NCKAP5: variants seen among roughly 807,000 people sequenced by gnomAD.
NCKAP5 encodes nck-associated protein 5.
NCKAP5 carries 92 observed loss-of-function variants against 167.0 expected under a neutral mutation model. The ratio of observed to expected loss-of-function variants is 0.55; its 90% CI spans 0.47 to 0.66. NCKAP5 has a LOEUF of 0.66. Ranked by LOEUF, NCKAP5 falls within the 30% of genes least tolerant of loss-of-function variation. The pLI, the probability that NCKAP5 is intolerant of heterozygous loss-of-function variation, is 0.00. For synonymous variants in NCKAP5, 891 were observed against 877.4 expected (o/e 1.02, Z -0.27); for missense variants, 2,378 against 2,315.0 (o/e 1.03, Z -0.56).
At chr2:133,523,967 T>C (rs922437594) in intron 2 of NCKAP5, among the ~76,000 whole-genome samples, 1 of 152,238 alleles carries the variant, frequency 6.6e-6, no homozygotes, top group South Asian at 2.1e-4. Flanking sequence ...CTTGAATCTC[T>C]GGGGTATAGG....
the NCKAP5 span, among the ~76,000 whole-genome samples, chr2:133,623,942 A>G: frequency 6.6e-6 from 1 of 152,310 alleles, no homozygotes; most frequent in Non-Finnish European, 1.5e-5. Flanking sequence ...TATATATATA[A>G]TGGAATACTA....
At chr2:133,566,969 C>T (rs916763196) in intron 1 of NCKAP5, among the ~76,000 whole-genome samples, 34 of 152,148 alleles carry the variant, frequency 2.2e-4, no homozygotes, top group Admixed American at 2.2e-3. Context: ...TATTTTGAGG[C>T]CTTTTGACAC....
chr2:133,516,765 T>C (rs1175977057), intron 3 of NCKAP5, among the ~76,000 whole-genome samples: 1 of 152,228 alleles, frequency 6.6e-6, no homozygotes, highest in African/African-American at 2.4e-5. Context: ...TCAGAAAGTT[T>C]GCTTTCTATT....
intron 11 of NCKAP5, among the ~76,000 whole-genome samples, chr2:132,813,835 G>A (rs1686068013): frequency 6.6e-6 from 1 of 152,184 alleles, no homozygotes; most frequent in South Asian, 2.1e-4. Context: ...CATTATTAAA[G>A]GAAAGATTAG....
intron 3 of NCKAP5, among the ~76,000 whole-genome samples, chr2:133,338,314 A>G (rs1314582806): frequency 6.6e-6 from 1 of 152,236 alleles, no homozygotes; most frequent in African/African-American, 2.4e-5. Context: ...CTATATAAAC[A>G]TACCAATTCT....
At chr2:133,436,592 C>T (rs188599395) in intron 3 of NCKAP5, among the ~76,000 whole-genome samples, 1 of 152,294 alleles carries the variant, frequency 6.6e-6, no homozygotes, top group African/African-American at 2.4e-5. Flanking sequence ...TAGTTCCCCA[C>T]CTGCAGGTGC....
chr2:133,185,079 T>C (rs1188772052), intron 5 of NCKAP5, among the ~76,000 whole-genome samples: 2 of 152,140 alleles, frequency 1.3e-5, no homozygotes, highest in African/African-American at 4.8e-5. Flanking sequence ...TCTTCCAGAA[T>C]TTTTATAGTT....
chr2:132,754,853 T>C (rs2104812490), intron 16 of NCKAP5, among the ~76,000 whole-genome samples: 1 of 152,304 alleles, frequency 6.6e-6, no homozygotes, highest in South Asian at 2.1e-4. Flanking sequence ...AGGCAAGATA[T>C]TAGAGTGATT....
intron 19 of NCKAP5, among the ~76,000 whole-genome samples, chr2:132,718,146 T>C (rs1220774539): frequency 6.6e-6 from 1 of 152,172 alleles, no homozygotes; most frequent in Non-Finnish European, 1.5e-5. Flanking sequence ...GGCTGTGCCA[T>C]TGAACCTTCC....
intron 4 of NCKAP5, among the ~76,000 whole-genome samples, chr2:133,218,529 G>A (rs1180705634): frequency 2.6e-5 from 4 of 152,090 alleles, no homozygotes; most frequent in African/African-American, 9.7e-5. Flanking sequence ...AGATACCCAG[G>A]GTCCCAGGAC....
chr2:133,433,697 G>C (rs1305792060), intron 3 of NCKAP5: 2 of 152,170 alleles, frequency 1.3e-5, no homozygotes, highest in Non-Finnish European at 2.9e-5. Context: ...CCTGTTATCT[G>C]TCTGGATAGA....
intron 3 of NCKAP5, among the ~76,000 whole-genome samples, chr2:133,369,618 T>C (rs1574817384): frequency 6.6e-6 from 1 of 152,162 alleles, no homozygotes; most frequent in African/African-American, 2.4e-5. Context: ...CATGCAACTA[T>C]AGCAAACACA....
chr2:133,187,510 T>G (rs888178461), intron 5 of NCKAP5, among the ~76,000 whole-genome samples: 1 of 152,024 alleles, frequency 6.6e-6, no homozygotes, highest in African/African-American at 2.4e-5. Context: ...GGCAAATTAC[T>G]GCGACCCCAT....
chr2:132,915,682 T>G (rs188830210), intron 8 of NCKAP5: 43 of 152,136 alleles, frequency 2.8e-4, no homozygotes, highest in African/African-American at 9.6e-4. Context: ...CAGTCACAAA[T>G]GGAAGAAGAT....
intron 6 of NCKAP5, among the ~76,000 whole-genome samples, chr2:132,996,021 A>G (rs141631391): frequency 0.011 from 1,690 of 152,324 alleles, 15 homozygotes; most frequent in Non-Finnish European, 0.018. Context: ...CTAAGGCACA[A>G]ACAAACACAT....
chr2:133,296,919 T>C (rs1019966339), intron 4 of NCKAP5, among the ~76,000 whole-genome samples: 1 of 152,234 alleles, frequency 6.6e-6, no homozygotes, highest in Admixed American at 6.5e-5. Context: ...ATATTCCACC[T>C]GTTTATTCTA....
At chr2:132,871,923 A>C (rs1352011494) in intron 9 of NCKAP5, among the ~76,000 whole-genome samples, 1 of 152,112 alleles carries the variant, frequency 6.6e-6, no homozygotes, top group Non-Finnish European at 1.5e-5. Flanking sequence ...AGCTGTTTGG[A>C]GTTTGTGCCT....
chr2:133,578,245 C>T, the NCKAP5 span, among the ~76,000 whole-genome samples: 20 of 152,226 alleles, frequency 1.3e-4, no homozygotes, highest in Admixed American at 2.6e-4. Context: ...GTCTTGCCAC[C>T]CTCCCTTTCT....
intron 16 of NCKAP5, among the ~76,000 whole-genome samples, chr2:132,751,171 C>T (rs1247398100): frequency 1.3e-5 from 2 of 151,938 alleles, no homozygotes; most frequent in Admixed American, 1.3e-4. Context: ...TAGCTTGGTG[C>T]CATTCTCACA....
Sources: allele counts gnomAD v4.1 joint callset (sites outside exome capture counted in the v4.1 genomes callset), GRCh38; gene constraint gnomAD v4.1.1; transcripts MANE v1.5; gene names NCBI Gene and HGNC (gene_info 2026-07-23, HGNC 2026-07-21).